The following KIF24 variants were observed in gnomAD, a reference collection of about 807,000 sequenced individuals.
KIF24 encodes the protein kinesin-like protein KIF24.
Under a neutral mutation model 118.9 loss-of-function variants are expected in KIF24, and 81 were observed. The observed-to-expected ratio is 0.68, with a 90% CI of 0.57 to 0.82. KIF24 has a LOEUF of 0.82. KIF24 is among the 40% of genes least tolerant of loss of function. The pLI is 0.00. For missense variants in KIF24, 1,560 were observed against 1,661.6 expected (o/e 0.94, Z 1.06); for synonymous variants, 599 against 610.0 (o/e 0.98, Z 0.27).
chr9:34,318,304 G>C lies in KIF24; in HGVS notation c.-25-6933C>G, dbSNP rs562195518. The C allele has an allele frequency of 1.8e-6, 1 of 565,364 alleles. No individual in the cohort carries two copies. The highest frequency in any genetic ancestry group is 1.9e-5 in the African/African-American group (1 of 52,970). 35.0% of individuals were successfully genotyped at this position (565,364 alleles called of 1,614,324 possible). ...TAGAATCGTGTCGCGGCTCGAGAGCGAGACTCCCGTCTTGGAGCCAGCCCA... is the reference window on the plus strand; with the variant it reads ...TAGAATCGTGTCGCGGCTCGAGAGCCAGACTCCCGTCTTGGAGCCAGCCCA... On this transcript the variant is annotated intron_variant, in intron 1 of 12. Transcript: ENST00000402558. This position sits in a 1 kb window ranked among gnomAD's most constrained non-coding sequence, Gnocchi z 4.9.
upstream of KIF24, among the ~76,000 whole-genome samples, chr9:34,332,888 A>C (rs1587987797): frequency 6.6e-6 from 1 of 152,068 alleles, no homozygotes; most frequent in Non-Finnish European, 1.5e-5. Flanking sequence ...AAAGAGCTTT[A>C]CTCATGGGTG....
intron 12 of KIF24, 91 bp from the exon 13 acceptor site, chr9:34,254,611 T>G: frequency 7.3e-7 from 1 of 1,363,144 alleles, no homozygotes; most frequent in Non-Finnish European, 1.0e-6. Context: ...GCAGGAAAGT[T>G]TCAGAACCCA....
chr9:34,304,566 T>C (rs961850933), intron 3 of KIF24, among the ~76,000 whole-genome samples: 20 of 152,334 alleles, frequency 1.3e-4, no homozygotes, highest in African/African-American at 4.8e-4. Context: ...TGGAACTAGA[T>C]AGCATTACAA....
At chr9:34,317,427 T>C (rs1837365795) in intron 1 of KIF24, among the ~76,000 whole-genome samples, 1 of 152,148 alleles carries the variant, frequency 6.6e-6, no homozygotes. Flanking sequence ...TTGTTGTTTT[T>C]AGATTGACAA....
intron 4 of KIF24, among the ~76,000 whole-genome samples, chr9:34,292,525 T>C (rs1836291927): frequency 1.3e-5 from 2 of 152,164 alleles, no homozygotes; most frequent in African/African-American, 4.8e-5. Context: ...GCCTGGGTCA[T>C]CTTCTTTGAT....
At chr9:34,262,361 G>C (rs1835087046) in intron 9 of KIF24, among the ~76,000 whole-genome samples, 1 of 152,028 alleles carries the variant, frequency 6.6e-6, no homozygotes, top group Non-Finnish European at 1.5e-5. Context: ...TCCTATGACA[G>C]GCTGAGTATC....
intron 4 of KIF24, among the ~76,000 whole-genome samples, chr9:34,292,607 C>T (rs1477755115): frequency 1.3e-5 from 2 of 151,992 alleles, no homozygotes; most frequent in African/African-American, 2.4e-5. Flanking sequence ...GGATTTGAAG[C>T]CAGGTAGAAA....
intron 11 of KIF24, 132 bp downstream of exon 11, chr9:34,255,603 G>A (rs1834796718): frequency 2.6e-6 from 2 of 767,054 alleles, no homozygotes; most frequent in African/African-American, 1.8e-5. Flanking sequence ...AAAGCAGAGG[G>A]TTGGAGCTAG....
intron 8 of KIF24, among the ~76,000 whole-genome samples, chr9:34,268,257 G>C (rs1238710168): frequency 1.3e-5 from 2 of 152,026 alleles, no homozygotes; most frequent in Non-Finnish European, 2.9e-5. Context: ...TCCACCTCCT[G>C]GGTTCAAGAG....
chr9:34,283,303 C>T (rs7389081), intron 6 of KIF24, among the ~76,000 whole-genome samples: 151,350 of 151,904 alleles, frequency 1, 75,402 homozygotes, highest in Middle Eastern at 1. Flanking sequence ...CCCAGGGAGA[C>T]TGAGACTGCA....
chr9:34,297,080 G>A lies in KIF24; in HGVS notation c.848C>T (p.Ala283Val), dbSNP rs750485749. The A allele has an allele frequency of 8.2e-6, 13 of 1,591,692 alleles. No individual in the cohort carries two copies. The highest frequency in any genetic ancestry group is 3.5e-5 in the Admixed American group (2 of 57,848). ...CATGTATACATCCTGATTGGTGCACGCCTCACCAAAGACTTCATCAAAATA... is the reference window on the plus strand; with the variant it reads ...CATGTATACATCCTGATTGGTGCACACCTCACCAAAGACTTCATCAAAATA... The part of the protein sequence containing the change: ...VFYFDEVFGE[A>V]CTNQDVYMKT... The change falls in exon 4 of 13, where the codon GCG becomes GTG. Residue 283 changes from alanine to valine, a missense_variant. Around this residue, in one of 3 missense-constraint regions of KIF24, gnomAD observed 964 missense variants for 988.0 expected, o/e 0.98. Coordinates refer to ENST00000402558, the MANE Select transcript of KIF24 (RefSeq NM_194313.4).
In KIF24 at chr9:34,256,749, C is replaced by T. The variant is rs140422338; in HGVS notation, c.2858G>A (p.Gly953Asp). 4.5e-5 allele frequency: 72 copies of T among 1,614,032 alleles called. No homozygotes were observed. In the African/African-American group the frequency reaches 7.7e-4, roughly 17 times the overall value. ...TCTGAGATCAAAGGAAGAGCCTCCA[C>T]CTCTTTCCTGTCTATATATGAAATC... ...QVDFIYRQERGGGSSFDLRKD... is the reference protein window; with the variant it reads ...QVDFIYRQERDGGSSFDLRKD... Residue 953 changes from glycine (G) to aspartate (D), a missense_variant, in exon 11 of 13, where the codon GGT (glycine) becomes GAT (aspartate). This residue lies in a region of KIF24 where 591 missense variants were observed against 655.6 expected (regional missense o/e 0.90). Transcript: ENST00000402558.
intron 8 of KIF24, among the ~76,000 whole-genome samples, chr9:34,263,427 G>A (rs753224640): frequency 2.6e-5 from 4 of 152,278 alleles, no homozygotes; most frequent in Admixed American, 6.5e-5. Flanking sequence ...CTGAGTTGAC[G>A]GCGGGGAACA....
At chr9:34,289,800 G>T (rs1457782787) in intron 5 of KIF24, among the ~76,000 whole-genome samples, 1 of 152,128 alleles carries the variant, frequency 6.6e-6, no homozygotes, top group Non-Finnish European at 1.5e-5. Context: ...AAAAACAAGA[G>T]AAAGTAGAAA....
chr9:34,270,852 CAG>C (rs939540152), intron 7 of KIF24, among the ~76,000 whole-genome samples: 28 of 148,262 alleles, frequency 1.9e-4, no homozygotes, highest in African/African-American at 6.5e-4. Context: ...CTGGGCAAAA[CAG>C]AGAGACCCCG....
intron 3 of KIF24, among the ~76,000 whole-genome samples, chr9:34,302,587 T>C (rs1361094673): frequency 6.6e-6 from 1 of 151,896 alleles, no homozygotes; most frequent in African/African-American, 2.4e-5. Flanking sequence ...TGCCTCAGCC[T>C]CCCAAGTAGC....
At chr9:34,327,179 A>G (rs944333358) in intron 1 of KIF24, among the ~76,000 whole-genome samples, 28 of 152,144 alleles carry the variant, frequency 1.8e-4, no homozygotes, top group African/African-American at 6.8e-4. Flanking sequence ...AAGGTTTAAG[A>G]AGTAGAACTC....
chr9:34,300,206 T>C (rs550548905), intron 3 of KIF24, among the ~76,000 whole-genome samples: 3 of 151,534 alleles, frequency 2.0e-5, no homozygotes, highest in South Asian at 4.2e-4. Context: ...TGAAGAATAA[T>C]AGATGTGTGA....
At chr9:34,319,993 A>G (rs1455041725) in intron 1 of KIF24, among the ~76,000 whole-genome samples, 3 of 152,080 alleles carry the variant, frequency 2.0e-5, no homozygotes, top group Non-Finnish European at 4.4e-5. Context: ...GTGAGACCAA[A>G]TGGAGCTAGG....
Sources: gnomAD v4.1 joint callset for allele counts (sites outside exome capture counted in the v4.1 genomes callset) on GRCh38, gnomAD v4.1.1 for gene constraint, gnomAD v4.1.1 regional missense constraint, Gnocchi (gnomAD v3.1) non-coding constraint, MANE v1.5 for transcripts, NCBI Gene and HGNC (gene_info 2026-07-23, HGNC 2026-07-21) for gene names.